The following SEPSECS variants were observed in gnomAD, a reference collection of about 807,000 sequenced individuals.
The protein encoded by SEPSECS is O-phosphoseryl-tRNA(Sec) selenium transferase.
SEPSECS carries 42 observed loss-of-function variants against 52.1 expected under a neutral mutation model. The observed-to-expected ratio is 0.81, with a 90% CI of 0.63 to 1.04. The LOEUF (loss-of-function observed/expected upper bound fraction) is 1.04, where lower values mean the gene tolerates loss of function less well. SEPSECS is among the 50% of genes least tolerant of loss of function. SEPSECS has a pLI of 0.00. For synonymous variants in SEPSECS, 216 were observed against 211.4 expected, an observed-to-expected ratio of 1.02 and a Z score of -0.19; for missense variants, 590 against 610.6, an observed-to-expected ratio of 0.97 and a Z score of 0.36.
In SEPSECS at chr4:25,121,986, C is replaced by T. The variant is rs761969902; in HGVS notation, c.*1945G>A. ...TGGCTTACATGTATAGCAAGCTGCA[C>T]TGCCAGCATTTACATTTGCAACAAC... On this transcript the variant is annotated 3_prime_UTR_variant, in exon 11 of 11. Coordinates refer to ENST00000382103, the MANE Select transcript of SEPSECS (RefSeq NM_016955.4). 3 of 152,128 alleles carry T rather than the reference C, an allele frequency of 2.0e-5. No homozygotes were observed. Among genetic ancestry groups the T allele is most frequent in the Non-Finnish European group, 2.9e-5 (2 of 68,004 alleles). The allele number at this position is 152,128 out of a possible 1,614,324, so 9.4% of individuals were successfully genotyped here.
chr4:25,137,610 T>C (rs1728894653), intron 8 of SEPSECS, among the ~76,000 whole-genome samples: 1 of 152,218 alleles, frequency 6.6e-6, no homozygotes, highest in Non-Finnish European at 1.5e-5. Context: ...ACTTTTACAC[T>C]GTTGGTGGAA....
In SEPSECS at chr4:25,156,141, A is replaced by T; in HGVS notation, c.443T>A (p.Leu148Gln). Residue 148 changes from leucine (L) to glutamine (Q), a missense_variant, in exon 4 of 11, where the codon CTA becomes CAA. By Grantham distance (113) the Leu-to-Gln change is moderately radical (BLOSUM62 -2). Transcript: ENST00000382103. ...TCGTAATGTTAAGAAACACAGAGTT[A>T]GACTCATACCAGTTGCCATAGGAAC... is the stretch of plus-strand genomic sequence containing the variant. Reference protein sequence around the residue: ...FVVPMATGMSLTLCFLTLRHK... With the variant: ...FVVPMATGMSQTLCFLTLRHK... The T allele has an allele frequency of 6.2e-7, 1 of 1,614,066 alleles. No individual in the cohort carries two copies. Among genetic ancestry groups the T allele is most frequent in the Non-Finnish European group, 8.5e-7 (1 of 1,179,936 alleles).
chr4:25,143,066 T>C (rs1392238611), intron 8 of SEPSECS, among the ~76,000 whole-genome samples: 2 of 152,244 alleles, frequency 1.3e-5, no homozygotes, highest in African/African-American at 2.4e-5. Flanking sequence ...ATCTGACATA[T>C]GGATCTGTTT....
chr4:25,146,477 A>AG (rs985632487), intron 6 of SEPSECS, among the ~76,000 whole-genome samples: 1 of 151,786 alleles, frequency 6.6e-6, no homozygotes, highest in African/African-American at 2.4e-5. Flanking sequence ...AACAGAATAA[A>AG]AAAAACTGGA....
intron 6 of SEPSECS, among the ~76,000 whole-genome samples, chr4:25,151,168 C>T (rs1037001401): frequency 3.9e-5 from 6 of 152,074 alleles, no homozygotes; most frequent in East Asian, 1.9e-4. Context: ...GTTCAGTAAC[C>T]GGTTTATTGA....
chr4:25,129,450 C>T (rs899340325), intron 8 of SEPSECS, among the ~76,000 whole-genome samples: 2 of 151,040 alleles, frequency 1.3e-5, no homozygotes, highest in African/African-American at 4.9e-5. Context: ...ATGGTGAAAC[C>T]CCTTATCTAC....
chr4:25,125,375 C>T, intron 10 of SEPSECS: 1 of 269,410 alleles, frequency 3.7e-6, no homozygotes, highest in Non-Finnish European at 7.1e-6. Flanking sequence ...TCTCTAATAC[C>T]ATAATGTGAC....
At chr4:25,141,697 T>A (rs1348851745) in intron 8 of SEPSECS, among the ~76,000 whole-genome samples, 1 of 152,224 alleles carries the variant, frequency 6.6e-6, no homozygotes, top group African/African-American at 2.4e-5. Context: ...CAGATCATTC[T>A]ACTCAATTCA....
chr4:25,140,634 T>C (rs1044050723), intron 8 of SEPSECS, among the ~76,000 whole-genome samples: 1 of 152,338 alleles, frequency 6.6e-6, no homozygotes, highest in African/African-American at 2.4e-5. Flanking sequence ...GCCTTCCACA[T>C]AGTAAGTGCT....
intron 9 of SEPSECS, 42 bp downstream of exon 9, chr4:25,127,222 G>A: frequency 8.0e-7 from 1 of 1,252,364 alleles, no homozygotes; most frequent in Non-Finnish European, 1.2e-6. Flanking sequence ...CTCCTAGAGT[G>A]GATCATAAGT....
At chr4:25,125,850 CAATAAT>C in intron 9 of SEPSECS, 66 bp from the exon 10 acceptor site, 1 of 949,716 alleles carries the variant, frequency 1.1e-6, no homozygotes, top group Non-Finnish European at 1.7e-6. Flanking sequence ...CAAATAATAA[CAATAAT>C]AATGATGAAG....
intron 5 of SEPSECS, 130 bp from the exon 6 acceptor site, chr4:25,152,192 A>C: frequency 1.6e-6 from 1 of 632,694 alleles, no homozygotes; most frequent in Non-Finnish European, 2.9e-6. Context: ...CAAACACTGA[A>C]ATTTCTATTG....
chr4:25,148,684 T>C (rs548247799), intron 6 of SEPSECS, among the ~76,000 whole-genome samples: 3 of 152,332 alleles, frequency 2.0e-5, no homozygotes, highest in African/African-American at 7.2e-5. Flanking sequence ...AACAATGTAT[T>C]GTATATTTCA....
intron 8 of SEPSECS, among the ~76,000 whole-genome samples, chr4:25,142,343 C>G (rs572479201): frequency 1.3e-5 from 2 of 151,948 alleles, no homozygotes; most frequent in Non-Finnish European, 2.9e-5. Context: ...CAGTTCCCAC[C>G]ACCACCTCAT....
intron 8 of SEPSECS, among the ~76,000 whole-genome samples, chr4:25,129,010 G>T (rs1728505012): frequency 6.6e-6 from 1 of 152,078 alleles, no homozygotes; most frequent in Admixed American, 6.5e-5. Flanking sequence ...TTTCACTTCT[G>T]TCAACCCAGT....
chr4:25,125,904 A>C (rs1437077803), intron 9 of SEPSECS, 120 bp from the exon 10 acceptor site: 2 of 708,500 alleles, frequency 2.8e-6, no homozygotes, highest in Non-Finnish European at 5.1e-6. Context: ...GCACAATTTC[A>C]CTTTAATGTA....
Position 25,147,124 on chromosome 4 carries a change from A to T in SEPSECS, c.805-1991T>A, listed in dbSNP as rs189397758. ...TCAGAGTCTTGGCTGTTAGCTTCTG[A>T]CTGGAATCTCTCTCTCTAGAGAGCT... On this transcript the variant is annotated intron_variant, in intron 6 of 10. Coordinates refer to ENST00000382103, the MANE Select transcript of SEPSECS (RefSeq NM_016955.4). Among the ~76,000 whole-genome samples the T allele has an allele frequency of 2.0e-3, 309 of 152,230 alleles. 2 individuals carry two copies. The South Asian group carries it at 0.021, about 10-fold the overall frequency.
At chr4:25,160,474 C>A, upstream of SEPSECS, 1 of 899,668 alleles carries the variant, frequency 1.1e-6, no homozygotes, top group Non-Finnish European at 1.7e-6. Flanking sequence ...ACGGCAGCGC[C>A]TTGGGACAAA....
chr4:25,155,749 A>C (rs899646977), intron 4 of SEPSECS, among the ~76,000 whole-genome samples: 2 of 152,190 alleles, frequency 1.3e-5, no homozygotes, highest in Non-Finnish European at 2.9e-5. Flanking sequence ...TTTTGCATAA[A>C]AATTGTTTTC....
Sources: gnomAD v4.1 joint callset for allele counts (sites outside exome capture counted in the v4.1 genomes callset) on GRCh38, gnomAD v4.1.1 for gene constraint, MANE v1.5 for transcripts, NCBI Gene and HGNC (gene_info 2026-07-23, HGNC 2026-07-21) for gene names.